The following CCDC102B variants were observed in gnomAD, a reference collection of about 807,000 sequenced individuals.
CCDC102B encodes the protein coiled-coil domain-containing protein 102B.
Under a neutral mutation model 57.4 loss-of-function variants are expected in CCDC102B, and 75 were observed. The ratio of observed to expected loss-of-function variants is 1.31; its 90% CI spans 1.08 to 1.58. The LOEUF (loss-of-function observed/expected upper bound fraction) is 1.58, where lower values mean the gene tolerates loss of function less well. CCDC102B is among the 40% of genes most tolerant of loss of function. The probability of loss-of-function intolerance (pLI) is 0.00; values close to 1 mark genes in which losing one functional copy is unlikely to be tolerated. For synonymous variants in CCDC102B, 206 were observed against 201.9 expected (o/e 1.02, Z -0.17); for missense variants, 636 against 582.6 (o/e 1.09, Z -0.94).
chr18:68,758,990 A>G (rs2034156814), intron 2 of CCDC102B, among the ~76,000 whole-genome samples: 1 of 151,640 alleles, frequency 6.6e-6, no homozygotes, highest in Non-Finnish European at 1.5e-5. Flanking sequence ...AGAAATAACA[A>G]CAGAATGCCA....
intron 6 of CCDC102B, among the ~76,000 whole-genome samples, chr18:68,914,089 T>G (rs767037333): frequency 5.3e-5 from 8 of 152,372 alleles, no homozygotes; most frequent in Non-Finnish European, 1.0e-4. Flanking sequence ...CAAAATACAT[T>G]ATAATAACCT....
chr18:68,947,409 C>A (rs536727561), intron 6 of CCDC102B, among the ~76,000 whole-genome samples: 2 of 152,146 alleles, frequency 1.3e-5, no homozygotes, highest in East Asian at 3.9e-4. Flanking sequence ...GCTGCACATA[C>A]ATTATAGTTA....
chr18:68,917,587 T>C lies in CCDC102B; in HGVS notation c.1263+20159T>C, dbSNP rs890881692. ...CCACTGGGATTAAAGTATCCTTCTA[T>C]CTTGTATTAATCGCTGTGTCCATCA... On this transcript the variant is annotated intron_variant, in intron 6 of 7. Coordinates refer to ENST00000360242, the MANE Select transcript of CCDC102B (RefSeq NM_024781.3). 1.3e-5 allele frequency among the ~76,000 whole-genome samples: 2 copies of C among 152,204 alleles called. 1 individual carries two copies. The highest frequency in any genetic ancestry group is 1.3e-4 in the Admixed American group (2 of 15,288).
intron 2 of CCDC102B, among the ~76,000 whole-genome samples, chr18:68,791,550 T>C (rs2035459443): frequency 6.6e-6 from 1 of 152,218 alleles, no homozygotes; most frequent in Non-Finnish European, 1.5e-5. Flanking sequence ...TTTTTATTCC[T>C]TATGTCTTTG....
chr18:68,926,584 T>A (rs960412167), intron 6 of CCDC102B, among the ~76,000 whole-genome samples: 1 of 152,028 alleles, frequency 6.6e-6, no homozygotes, highest in East Asian at 1.9e-4. Context: ...AGTTAAGGGA[T>A]GTCTGATTGT....
At chr18:68,722,018 C>A (rs2032357979) in intron 2 of CCDC102B, among the ~76,000 whole-genome samples, 1 of 152,188 alleles carries the variant, frequency 6.6e-6, no homozygotes, top group African/African-American at 2.4e-5. Context: ...AGGGAGGAAA[C>A]AACCGAAGTA....
chr18:68,852,736 T>C lies in CCDC102B; in HGVS notation c.936+6315T>C, dbSNP rs182456886. On this transcript the variant is annotated intron_variant, in intron 4 of 7. Transcript: ENST00000360242. The stretch of plus-strand genomic sequence containing the variant: ...TGATTATTGACTTAAAATATTTTTA[T>C]ATGTATTGTAGAAAAGATATTGTGC... Among the ~76,000 whole-genome samples the C allele has an allele frequency of 4.6e-3, 706 of 152,272 alleles. 2 individuals carry two copies. Among genetic ancestry groups the C allele is most frequent in the Non-Finnish European group, 7.7e-3 (523 of 67,990 alleles).
intron 6 of CCDC102B, among the ~76,000 whole-genome samples, chr18:68,904,462 G>A (rs543871874): frequency 9.2e-5 from 14 of 152,302 alleles, no homozygotes; most frequent in African/African-American, 3.1e-4. Flanking sequence ...ACATTTTAAA[G>A]TGTATAGGTG....
At chr18:68,947,934 T>C (rs867182112) in intron 6 of CCDC102B, among the ~76,000 whole-genome samples, 3 of 152,110 alleles carry the variant, frequency 2.0e-5, no homozygotes, top group African/African-American at 7.2e-5. Context: ...AAAAATTGTA[T>C]TTTTTTCTTA....
chr18:68,790,156 A>G (rs1199199497), intron 2 of CCDC102B, among the ~76,000 whole-genome samples: 7 of 150,998 alleles, frequency 4.6e-5, no homozygotes, highest in Non-Finnish European at 1.0e-4. Flanking sequence ...GTCAGGGGTC[A>G]GGGACCCACT....
intron 6 of CCDC102B, among the ~76,000 whole-genome samples, chr18:69,000,935 A>C (rs2051184477): frequency 6.6e-6 from 1 of 152,182 alleles, no homozygotes; most frequent in South Asian, 2.1e-4. Context: ...TGATACATAC[A>C]GATATAGTGA....
intron 7 of CCDC102B, among the ~76,000 whole-genome samples, chr18:69,053,628 A>G (rs977704534): frequency 5.3e-5 from 8 of 152,030 alleles, no homozygotes; most frequent in African/African-American, 1.9e-4. Flanking sequence ...AGTTACTGTC[A>G]TACAAACATA....
At chr18:68,801,941 T>C (rs1599482136) in intron 1 of CCDC102B, among the ~76,000 whole-genome samples, 2 of 152,200 alleles carry the variant, frequency 1.3e-5, no homozygotes, top group Non-Finnish European at 2.9e-5. Context: ...ATGAATTTTC[T>C]ATCTTCTTTT....
In CCDC102B at chr18:68,959,650, C is replaced by A. The variant is rs568890161; in HGVS notation, c.1264-51284C>A. Among the ~76,000 whole-genome samples the A allele has an allele frequency of 4.7e-4, 71 of 152,146 alleles. No homozygotes were observed. In the South Asian group the frequency reaches 0.013, roughly 29 times the overall value. Reference sequence around the variant, plus strand: ...ATGCTCTCCGGAAGCCAGGGGCAGCCAGTAATCTACTTGGTCCTCTATTCT... The same window carrying A: ...ATGCTCTCCGGAAGCCAGGGGCAGCAAGTAATCTACTTGGTCCTCTATTCT... On this transcript the variant is annotated intron_variant, in intron 6 of 7. Coordinates refer to ENST00000360242, the MANE Select transcript of CCDC102B (RefSeq NM_024781.3).
chr18:68,806,325 T>A (rs2036032578), intron 1 of CCDC102B, among the ~76,000 whole-genome samples: 1 of 152,160 alleles, frequency 6.6e-6, no homozygotes, highest in Non-Finnish European at 1.5e-5. Context: ...TTCATTTTAT[T>A]TTTGTATGAT....
intron 2 of CCDC102B, among the ~76,000 whole-genome samples, chr18:68,770,814 A>G (rs1405240719): frequency 6.6e-6 from 1 of 152,276 alleles, no homozygotes. Flanking sequence ...CATAAGAGCC[A>G]GGCTTTGTAG....
At chr18:68,755,925 T>C (rs571706698) in intron 2 of CCDC102B, among the ~76,000 whole-genome samples, 2 of 151,666 alleles carry the variant, frequency 1.3e-5, no homozygotes, top group South Asian at 4.2e-4. Context: ...CACATACTGT[T>C]CTAAATAAAT....
At chr18:69,044,678 G>A (rs1249474192) in intron 7 of CCDC102B, among the ~76,000 whole-genome samples, 1 of 152,222 alleles carries the variant, frequency 6.6e-6, no homozygotes, top group Non-Finnish European at 1.5e-5. Flanking sequence ...TTTAAAATGA[G>A]GAAACTGAAG....
intron 7 of CCDC102B, among the ~76,000 whole-genome samples, chr18:69,042,140 A>G (rs3862698): frequency 0.81 from 122,442 of 151,986 alleles, 52,278 homozygotes; most frequent in Non-Finnish European, 0.95. Flanking sequence ...GAGGAGCAGC[A>G]TGGAAAAACT....
Sources: allele counts gnomAD v4.1 joint callset (sites outside exome capture counted in the v4.1 genomes callset), GRCh38; gene constraint gnomAD v4.1.1; transcripts MANE v1.5; gene names NCBI Gene and HGNC (gene_info 2026-07-23, HGNC 2026-07-21).